ZC3HAV1: variants seen among roughly 807,000 people sequenced by gnomAD.
ZC3HAV1 encodes zinc finger CCCH-type containing, antiviral 1, also known as zinc finger CCCH-type antiviral protein 1.
Under a neutral mutation model 86.6 loss-of-function variants are expected in ZC3HAV1, and 41 were observed. The ratio of observed to expected loss-of-function variants is 0.47; its 90% CI spans 0.37 to 0.61. The LOEUF (loss-of-function observed/expected upper bound fraction) is 0.61. ZC3HAV1 is among the 20% of genes least tolerant of loss of function. The pLI is 0.00. For missense variants in ZC3HAV1, 964 were observed against 1,141.1 expected, an observed-to-expected ratio of 0.84 and a Z score of 2.24; for synonymous variants, 421 against 432.1, an observed-to-expected ratio of 0.97 and a Z score of 0.32.
In ZC3HAV1 at chr7:139,053,953, G is replaced by A. The variant is rs1366271339; in HGVS notation, c.2318+12C>T. The A allele has an allele frequency of 5.6e-6, 9 of 1,598,252 alleles. No homozygotes were observed. The highest frequency in any genetic ancestry group is 3.6e-5 in the Admixed American group (2 of 55,334). ...GTTTTATGTAAAGAAACACGATAAC[G>A]TGGCCACCAACCATGTAAATTTATC... On this transcript the variant is annotated intron_variant, in intron 11 of 12. Transcript: ENST00000242351.
At chr7:139,064,424 T>C (rs758843161) in intron 8 of ZC3HAV1, among the ~76,000 whole-genome samples, 13 of 152,204 alleles carry the variant, frequency 8.5e-5, no homozygotes, top group Non-Finnish European at 1.8e-4. Context: ...TTAATCAATG[T>C]GATGATGGAA....
At chr7:139,062,811 C>T (rs1323062175) in intron 8 of ZC3HAV1, among the ~76,000 whole-genome samples, 2 of 152,076 alleles carry the variant, frequency 1.3e-5, no homozygotes, top group Non-Finnish European at 1.5e-5. Flanking sequence ...AGGTGGATCA[C>T]GAGGTCAGGA....
rs745387450 is a variant in ZC3HAV1 at position 139,064,898 on chromosome 7, G to C, written c.1974C>G (p.Asn658Lys). The change falls in exon 8 of 13, where the codon AAC becomes AAG. Residue 658 changes from asparagine to lysine, a missense_variant. Physicochemically the swap from Asn to Lys is moderately conservative, Grantham distance 94 (BLOSUM62 0). Coordinates refer to ENST00000242351, the MANE Select transcript of ZC3HAV1 (RefSeq NM_020119.4). ...ACCCACCTTGGAAACTCAGCTCATA[G>C]TTCCGTGAGCCCGCCTGAAATGGCA... ...GVVPFQAGSR[N>K]YELSFQGMIQ... 1 of 1,614,178 alleles carries C rather than the reference G, an allele frequency of 6.2e-7. No individual in the cohort carries two copies. Among genetic ancestry groups the C allele is most frequent in the Admixed American group, 1.7e-5 (1 of 60,010 alleles).
chr7:139,102,195 G>A (rs535907373), intron 1 of ZC3HAV1, among the ~76,000 whole-genome samples: 3 of 152,174 alleles, frequency 2.0e-5, no homozygotes, highest in African/African-American at 4.8e-5. Flanking sequence ...GGGCAGTGGC[G>A]CAACTGCACC....
At chr7:139,104,411 A>C (rs959273522) in intron 1 of ZC3HAV1, among the ~76,000 whole-genome samples, 1 of 152,190 alleles carries the variant, frequency 6.6e-6, no homozygotes, top group Non-Finnish European at 1.5e-5. Context: ...GGACAATGTA[A>C]GTAGCTAGTT....
chr7:139,095,393 T>C (rs776187803), intron 1 of ZC3HAV1, among the ~76,000 whole-genome samples: 3 of 151,608 alleles, frequency 2.0e-5, no homozygotes, highest in Non-Finnish European at 2.9e-5. Flanking sequence ...ATGAGCAGGG[T>C]AACGAAGGAT....
In ZC3HAV1 at chr7:139,108,625, G is replaced by T. The variant is rs979145140; in HGVS notation, c.308+399C>A. Among the ~76,000 whole-genome samples the T allele has an allele frequency of 6.6e-6, 1 of 152,190 alleles. No individual in the cohort carries two copies. Among genetic ancestry groups the T allele is most frequent in the Admixed American group, 6.5e-5 (1 of 15,282 alleles). On this transcript the variant is annotated intron_variant, in intron 1 of 12. Coordinates refer to ENST00000242351, the MANE Select transcript of ZC3HAV1 (RefSeq NM_020119.4). The surrounding 1 kb of genome is among the most constrained non-coding windows in gnomAD (Gnocchi z 4.2). ...TCTAGGGAAGGAGGTAGTAGGGAGG[G>T]AAAGACTCAAGATACCAAAGACGGG...
chr7:139,076,837 A>G (rs1457008006), intron 5 of ZC3HAV1, among the ~76,000 whole-genome samples: 1 of 151,928 alleles, frequency 6.6e-6, no homozygotes, highest in African/African-American at 2.4e-5. Flanking sequence ...GGTTGCGGTG[A>G]GCCGAGATCA....
chr7:139,058,948 C>T (rs1324530874), intron 9 of ZC3HAV1, among the ~76,000 whole-genome samples: 1 of 152,046 alleles, frequency 6.6e-6, no homozygotes, highest in African/African-American at 2.4e-5. Flanking sequence ...AGCATGGTCT[C>T]ACTAGTTGAG....
chr7:139,071,195 C>G (rs901012361), intron 7 of ZC3HAV1, among the ~76,000 whole-genome samples: 4 of 149,754 alleles, frequency 2.7e-5, no homozygotes, highest in African/African-American at 4.9e-5. Context: ...CTCCTTGGTT[C>G]AAGCAATTTT....
chr7:139,068,718 C>T (rs999951292), intron 7 of ZC3HAV1, among the ~76,000 whole-genome samples: 3 of 152,206 alleles, frequency 2.0e-5, no homozygotes, highest in Admixed American at 6.5e-5. Context: ...TCTCTAGCCT[C>T]GCCCTCACAC....
Position 139,089,679 on chromosome 7 carries a change from T to C in ZC3HAV1, c.389A>G (p.Asn130Ser), listed in dbSNP as rs773362502. ...GAGGAGCACTGCTAATTCCTCTTTGTTCAGTCCAGAGAGTTCGTGATTTTT... is the reference window on the plus strand; with the variant it reads ...GAGGAGCACTGCTAATTCCTCTTTGCTCAGTCCAGAGAGTTCGTGATTTTT... ...VLKNHELSGLNKEELAVLLLQ... is the reference protein window; with the variant it reads ...VLKNHELSGLSKEELAVLLLQ... The change falls in exon 2 of 13, where the codon AAC becomes AGC. Residue 130 changes from asparagine to serine, a missense_variant. By Grantham distance (46) the Asn-to-Ser change is conservative. Coordinates refer to ENST00000242351, the MANE Select transcript of ZC3HAV1 (RefSeq NM_020119.4). The C allele has an allele frequency of 1.2e-6, 2 of 1,613,124 alleles. No individual in the cohort carries two copies. Among genetic ancestry groups the C allele is most frequent in the South Asian group, 2.2e-5 (2 of 90,852 alleles).
chr7:139,101,497 C>T (rs867978199), intron 1 of ZC3HAV1, among the ~76,000 whole-genome samples: 22 of 104,176 alleles, frequency 2.1e-4, no homozygotes, highest in South Asian at 7.2e-4. Flanking sequence ...CGGCCACCAC[C>T]CCGTCTGGGA....
Position 139,079,929 on chromosome 7 carries a change from C to T in ZC3HAV1, c.1012G>A (p.Asp338Asn), listed in dbSNP as rs919083237. ...QRFLENGSQE[D>N]LLHGNPGSTY... is the part of the protein sequence containing the mutation. The stretch of plus-strand genomic sequence containing the variant: ...CTGCCTGGATTTCCATGCAAGAGGT[C>T]CTCTTGACTGCCGTTCTCTAAAAAC... The change falls in exon 4 of 13, where the codon GAC becomes AAC. Residue 338 changes from aspartate (D) to asparagine (N), a missense_variant. Coordinates refer to ENST00000242351, the MANE Select transcript of ZC3HAV1 (RefSeq NM_020119.4). The T allele has an allele frequency of 3.7e-6, 6 of 1,614,188 alleles. No homozygotes were observed. Among genetic ancestry groups the T allele is most frequent in the Middle Eastern group, 3.3e-4 (2 of 6,062 alleles).
rs946129906 is a variant in ZC3HAV1 at position 139,088,052 on chromosome 7, A to G, written c.444+1572T>C. On this transcript the variant is annotated intron_variant, in intron 2 of 12. Transcript: ENST00000242351. ...GTCTCAAAAAAAAAAAAAAAAAAAAAAAAGAAAAAAGAAAAAAAAAGTGCA... is the reference window on the plus strand; with the variant it reads ...GTCTCAAAAAAAAAAAAAAAAAAAAGAAAGAAAAAAGAAAAAAAAAGTGCA... 8.8e-3 allele frequency among the ~76,000 whole-genome samples: 1,327 copies of G among 150,376 alleles called. 18 individuals carry two copies. The highest frequency in any genetic ancestry group is 0.031 in the African/African-American group (1,248 of 40,702).
At chr7:139,101,630 T>C (rs961432398) in intron 1 of ZC3HAV1, among the ~76,000 whole-genome samples, 1 of 149,168 alleles carries the variant, frequency 6.7e-6, no homozygotes, top group Non-Finnish European at 1.5e-5. Flanking sequence ...GTGTAGAAAG[T>C]AGACATGGGA....
At position 139,084,024 on chromosome 7, in the gene ZC3HAV1, T is replaced by A. The variant is rs767609872; in HGVS notation, c.453A>T (p.Lys151Asn). The stretch of plus-strand genomic sequence containing the variant: ...GCTGCCGACCCTCTCCCTTATAACT[T>A]TTGCATATCTACAGAAGGGAGAAAC... ...SDPFFMPEIC[K>N]SYKGEGRQQI... The change falls in exon 3 of 13, where the codon AAA (lysine) becomes AAT (asparagine). Residue 151 changes from lysine (K) to asparagine (N), a missense_variant. Lys to Asn is a moderately conservative substitution (Grantham distance 94). Transcript: ENST00000242351. 3.8e-5 allele frequency: 62 copies of A among 1,613,500 alleles called. No individual in the cohort carries two copies. The highest frequency in any genetic ancestry group is 4.9e-5 in the Non-Finnish European group (58 of 1,179,706).
At chr7:139,071,826 T>C (rs1046961427) in intron 7 of ZC3HAV1, among the ~76,000 whole-genome samples, 5 of 152,218 alleles carry the variant, frequency 3.3e-5, no homozygotes, top group Admixed American at 1.3e-4. Context: ...CTTTGAAAGA[T>C]GGTTTGATAA....
chr7:139,047,980 T>C, intron 12 of ZC3HAV1, 127 bp from the exon 13 acceptor site: 1 of 985,022 alleles, frequency 1.0e-6, no homozygotes, highest in Admixed American at 2.8e-5. Context: ...CTGATATTTA[T>C]AAACTTTCCT....
Sources: allele counts gnomAD v4.1 joint callset (sites outside exome capture counted in the v4.1 genomes callset), GRCh38; gene constraint gnomAD v4.1.1; non-coding constraint Gnocchi (gnomAD v3.1); transcripts MANE v1.5; gene names NCBI Gene and HGNC (gene_info 2026-07-23, HGNC 2026-07-21).